Variants in ZNF721 observed in about 807,000 individuals in gnomAD.
ZNF721 encodes the protein zinc finger protein 721.
In ZNF721, 2 loss-of-function variants were observed where a neutral mutation model predicts 2.4. That is an observed-to-expected ratio of 0.82 (90% CI 0.34 to 2.58). ZNF721 has a LOEUF of 2.58. Ranked by LOEUF, ZNF721 falls within the 30% of genes most tolerant of loss-of-function variation. ZNF721 has a pLI of 0.11. For synonymous variants in ZNF721, 398 were observed against 381.8 expected (o/e 1.04, Z -0.50); for missense variants, 1,187 against 1,085.5 (o/e 1.09, Z -1.31).
chr4:474,110 G>C lies in ZNF721; in HGVS notation c.-93-1409C>G, dbSNP rs543717350. ...CTCCCTGAGGTGTGGAAGCAGGGAA[G>C]TGAGGCCCTAACCGAGCTCAGGCTG... On this transcript the variant is annotated intron_variant, in intron 1 of 2. Transcript: ENST00000511833. 16 of 1,205,282 alleles carry C rather than the reference G, an allele frequency of 1.3e-5. No individual in the cohort carries two copies. The South Asian group carries it at 1.5e-4, about 11-fold the overall frequency. 74.7% of individuals were successfully genotyped at this position (1,205,282 alleles called of 1,614,324 possible).
intron 1 of ZNF721, among the ~76,000 whole-genome samples, chr4:473,665 G>T (rs1168659348): frequency 6.6e-6 from 1 of 152,208 alleles, no homozygotes. Flanking sequence ...CAGGACCCCT[G>T]GACCACAGCT....
intron 2 of ZNF721, among the ~76,000 whole-genome samples, chr4:463,451 G>C (rs1715132311): frequency 6.6e-6 from 1 of 152,128 alleles, no homozygotes; most frequent in Non-Finnish European, 1.5e-5. Context: ...AAAGACACAT[G>C]AACACGTATT....
Position 485,751 on chromosome 4 carries a change from G to A in ZNF721, c.-93-13050C>T, listed in dbSNP as rs373000438. On this transcript the variant is annotated intron_variant, in intron 1 of 2. Coordinates refer to ENST00000511833, the MANE Select transcript of ZNF721 (RefSeq NM_133474.4). ...AGCACTTTGGGAGGCCGAGGCGGGC[G>A]GATCATGAGGTCAAGAGATCGAGAC... 1.9e-3 allele frequency among the ~76,000 whole-genome samples: 290 copies of A among 152,212 alleles called. 2 individuals are homozygous for A. The highest frequency in any genetic ancestry group is 6.6e-3 in the African/African-American group (273 of 41,550).
At chr4:447,439 G>A (rs1385623479) in intron 2 of ZNF721, among the ~76,000 whole-genome samples, 3 of 151,760 alleles carry the variant, frequency 2.0e-5, no homozygotes, top group Non-Finnish European at 4.4e-5. Flanking sequence ...AAGAAGTAAA[G>A]GTGTATCAGT....
chr4:489,401 T>C (rs1553871089), intron 1 of ZNF721, among the ~76,000 whole-genome samples: 1 of 152,246 alleles, frequency 6.6e-6, no homozygotes, highest in Non-Finnish European at 1.5e-5. Flanking sequence ...TACTCTGCTT[T>C]ACTCACTCTC....
intron 2 of ZNF721, among the ~76,000 whole-genome samples, chr4:463,809 T>A (rs1466404453): frequency 6.6e-6 from 1 of 152,104 alleles, no homozygotes; most frequent in Non-Finnish European, 1.5e-5. Context: ...CTAATGTAGA[T>A]GACGGGTTGA....
chr4:446,249 C>T (rs1322878306), intron 2 of ZNF721, among the ~76,000 whole-genome samples: 2 of 152,100 alleles, frequency 1.3e-5, no homozygotes, highest in African/African-American at 4.8e-5. Flanking sequence ...TTTAATTATT[C>T]TCTAAAATTT....
At chr4:459,424 G>T (rs116233375) in intron 2 of ZNF721, among the ~76,000 whole-genome samples, 58 of 152,138 alleles carry the variant, frequency 3.8e-4, no homozygotes, top group African/African-American at 1.4e-3. Context: ...GACAAACACA[G>T]GCTCAAAATA....
chr4:493,307 G>T (rs1716072087), intron 1 of ZNF721, among the ~76,000 whole-genome samples: 1 of 151,952 alleles, frequency 6.6e-6, no homozygotes, highest in Admixed American at 6.6e-5. Context: ...TTAAAACAAA[G>T]ATGGTAACAG....
At chr4:482,779 G>A (rs1553869739) in intron 1 of ZNF721, among the ~76,000 whole-genome samples, 1 of 152,196 alleles carries the variant, frequency 6.6e-6, no homozygotes, top group African/African-American at 2.4e-5. Context: ...ACAGGTGTGA[G>A]CCACCGCGCT....
chr4:497,519 A>G lies in ZNF721; in HGVS notation c.-94+1537T>C, dbSNP rs540724369. 1.3e-3 allele frequency among the ~76,000 whole-genome samples: 199 copies of G among 152,286 alleles called. 1 individual carries two copies. The highest frequency in any genetic ancestry group is 5.2e-3 in the South Asian group (25 of 4,820). ...GACACAGCCTCCGGAGATCCTGACG[A>G]CGTGGGTCCAAGGTGGTCGGGGCAC... On this transcript the variant is annotated intron_variant, in intron 1 of 2. Coordinates refer to ENST00000511833, the MANE Select transcript of ZNF721 (RefSeq NM_133474.4).
At chr4:497,665 G>A (rs566073008) in intron 1 of ZNF721, among the ~76,000 whole-genome samples, 2 of 150,406 alleles carry the variant, frequency 1.3e-5, no homozygotes, top group East Asian at 3.9e-4. Flanking sequence ...GAGGCGGGCG[G>A]ATCACGAGGT....
chr4:444,236 CTGAG>C lies in ZNF721; in HGVS notation c.227_230del (p.Thr76ArgfsTer48), dbSNP rs782454359. ...GTGCATTACATTGAAATATTTTGCTCTGAGTATTTGACAAGCATTTATTAATTCC... is the reference window on the plus strand; with the variant it reads ...GTGCATTACATTGAAATATTTTGCTCTATTTGACAAGCATTTATTAATTCC... On this transcript the variant is annotated frameshift_variant, in exon 3 of 3. Transcript: ENST00000511833. LOFTEE classifies it low-confidence loss of function (END_TRUNC). 8.7e-6 allele frequency: 14 copies of C among 1,613,622 alleles called. No homozygotes were observed. In the East Asian group the frequency reaches 1.8e-4, roughly 21 times the overall value.
In ZNF721 at chr4:499,088, C is replaced by G; in HGVS notation, c.-126G>C. On this transcript the variant is annotated 5_prime_UTR_variant, in exon 1 of 3. Transcript: ENST00000511833. ...TGGGCGGCGACCGTCGCGGACTCGC[C>G]GGGAAGACGGCCCCACGGAGCCGGG... The G allele has an allele frequency of 3.7e-6, 2 of 539,300 alleles. No individual in the cohort carries two copies. The highest frequency in any genetic ancestry group is 6.4e-6 in the Non-Finnish European group (2 of 310,096). 33.4% of individuals were successfully genotyped at this position (539,300 alleles called of 1,614,324 possible). A position where few individuals can be genotyped will look rare whatever the true frequency, so the allele number is the denominator to read the frequency against.
chr4:443,360 G>A lies in ZNF721; in HGVS notation c.1107C>T (p.Ala369=). 3 of 1,614,018 alleles carry A rather than the reference G, an allele frequency of 1.9e-6. No homozygotes were observed. Among genetic ancestry groups the A allele is most frequent in the Non-Finnish European group, 2.5e-6 (3 of 1,179,962 alleles). Residue 369 remains alanine, a synonymous_variant, in exon 3 of 3, where the codon GCC becomes GCT. Coordinates refer to ENST00000511833, the MANE Select transcript of ZNF721 (RefSeq NM_133474.4). ...GATTCAGGGCTGTGTACCGTCCAAA[G>A]GCTTTGCCACAGTCTTCGCATTTGT... ...KPYKCEDCGK[A]FGRYTALNQH...
At chr4:484,805 C>T (rs1440209969) in intron 1 of ZNF721, among the ~76,000 whole-genome samples, 1 of 152,218 alleles carries the variant, frequency 6.6e-6, no homozygotes, top group Non-Finnish European at 1.5e-5. Context: ...CCTGTGATCT[C>T]GCCCTGCCTC....
Position 442,836 on chromosome 4 carries a change from A to T in ZNF721, c.1631T>A (p.Leu544His). 2 of 1,613,852 alleles carry T rather than the reference A, an allele frequency of 1.2e-6. No homozygotes were observed. Among genetic ancestry groups the T allele is most frequent in the Non-Finnish European group, 8.5e-7 (1 of 1,179,906 alleles). The part of the protein sequence containing the change: ...CGKAFRQSAI[L>H]YVHRRIHTGE... The stretch of plus-strand genomic sequence containing the variant: ...AGTATGAATTCTCCTATGTACATAA[A>T]GGATTGCGGACTGTCTAAAGGCTTT... Residue 544 changes from leucine (L) to histidine (H), a missense_variant, in exon 3 of 3, where the codon CTT (leucine) becomes CAT (histidine). Coordinates refer to ENST00000511833, the MANE Select transcript of ZNF721 (RefSeq NM_133474.4).
intron 1 of ZNF721, among the ~76,000 whole-genome samples, chr4:494,272 C>A (rs1463342814): frequency 6.6e-6 from 1 of 151,388 alleles, no homozygotes; most frequent in African/African-American, 2.4e-5. Flanking sequence ...AGCTCCGCCT[C>A]CTGGGTTCAC....
intron 2 of ZNF721, among the ~76,000 whole-genome samples, chr4:447,862 A>G (rs940379835): frequency 2.0e-5 from 3 of 152,236 alleles, no homozygotes; most frequent in Non-Finnish European, 4.4e-5. Flanking sequence ...GTGTGTATAC[A>G]TATGTTAATG....
Sources: allele counts gnomAD v4.1 joint callset (sites outside exome capture counted in the v4.1 genomes callset), GRCh38; gene constraint gnomAD v4.1.1; transcripts MANE v1.5; gene names NCBI Gene and HGNC (gene_info 2026-07-23, HGNC 2026-07-21).